The following NRXN3 variants were observed in gnomAD, a reference collection of about 807,000 sequenced individuals.
The protein encoded by NRXN3 is neurexin 3.
In NRXN3, 32 loss-of-function variants were observed where a neutral mutation model predicts 137.6. The observed-to-expected ratio is 0.23, with a 90% CI of 0.18 to 0.31. The LOEUF (loss-of-function observed/expected upper bound fraction) is 0.31. Among genes scored for constraint, NRXN3 ranks in the 10% least tolerant of loss-of-function variants. The pLI is 1.00. For missense variants in NRXN3, 1,574 were observed against 2,062.5 expected, an observed-to-expected ratio of 0.76 and a Z score of 4.59; for synonymous variants, 798 against 784.5, an observed-to-expected ratio of 1.02 and a Z score of -0.29.
intron 19 of NRXN3, among the ~76,000 whole-genome samples, chr14:79,784,784 T>G (rs558342399): frequency 3.3e-5 from 5 of 152,238 alleles, no homozygotes; most frequent in African/African-American, 9.6e-5. Flanking sequence ...TCTTCTTTTG[T>G]TATTCTCATG....
chr14:79,068,531 A>G (rs2099683594), intron 15 of NRXN3, among the ~76,000 whole-genome samples: 2 of 152,116 alleles, frequency 1.3e-5, no homozygotes, highest in South Asian at 4.1e-4. Flanking sequence ...TTTGGGGACA[A>G]TGGGAAGTAT....
At chr14:78,680,762 G>C (rs965931444) in intron 6 of NRXN3, among the ~76,000 whole-genome samples, 10 of 151,968 alleles carry the variant, frequency 6.6e-5, no homozygotes, top group African/African-American at 2.2e-4. Context: ...GACTTTCCTG[G>C]GCTTAAGAGT....
chr14:79,017,317 C>T (rs1297531555), intron 15 of NRXN3, among the ~76,000 whole-genome samples: 1 of 151,690 alleles, frequency 6.6e-6, no homozygotes, highest in Non-Finnish European at 1.5e-5. Context: ...TGTGGGGTTA[C>T]CACAAAATAC....
At chr14:79,431,534 C>T (rs1451152142) in intron 15 of NRXN3, among the ~76,000 whole-genome samples, 4 of 152,034 alleles carry the variant, frequency 2.6e-5, no homozygotes, top group African/African-American at 7.2e-5. Context: ...TAAGTAATAA[C>T]AGATGATGGA....
At chr14:78,514,276 A>C (rs567299831) in intron 4 of NRXN3, among the ~76,000 whole-genome samples, 21 of 152,250 alleles carry the variant, frequency 1.4e-4, no homozygotes, top group Admixed American at 1.2e-3. Context: ...AGGAAACTAG[A>C]GAAAGAAAAA....
rs966920743 is a variant in NRXN3, at chr14:79,100,550, A to G, written c.3262+112409A>G. On this transcript the variant is annotated intron_variant, in intron 15 of 20. Transcript: ENST00000335750. ...TAGATCCTAGAAATGAGTTGTTAAT[A>G]AATATCAGCTTTACATCAAGAGTTT... Among the ~76,000 whole-genome samples, 35 of 152,152 alleles carry G rather than the reference A, an allele frequency of 2.3e-4. 2 individuals are homozygous for G. The highest frequency in any genetic ancestry group is 2.3e-3 in the Admixed American group (35 of 15,274).
chr14:78,997,832 G>T (rs1252101806), intron 15 of NRXN3, among the ~76,000 whole-genome samples: 1 of 152,142 alleles, frequency 6.6e-6, no homozygotes, highest in Non-Finnish European at 1.5e-5. Context: ...ATTGCTGTTT[G>T]AATTTGTATC....
At chr14:78,675,155 C>T (rs1422579029) in intron 6 of NRXN3, among the ~76,000 whole-genome samples, 1 of 152,188 alleles carries the variant, frequency 6.6e-6, no homozygotes, top group Non-Finnish European at 1.5e-5. Flanking sequence ...TGTGAACAGA[C>T]ATAAGGCCTA....
intron 17 of NRXN3, among the ~76,000 whole-genome samples, chr14:79,686,719 T>C (rs1447337705): frequency 6.6e-6 from 1 of 152,188 alleles, no homozygotes; most frequent in Non-Finnish European, 1.5e-5. Flanking sequence ...TATCCAATAT[T>C]CTTTTCACTC....
chr14:78,939,445 C>T (rs2099348802), intron 10 of NRXN3, among the ~76,000 whole-genome samples: 2 of 152,196 alleles, frequency 1.3e-5, no homozygotes, highest in African/African-American at 4.8e-5. Flanking sequence ...CCTTGGTTCC[C>T]TCTCTGCCAT....
chr14:78,732,693 G>T (rs1265947502), intron 8 of NRXN3, among the ~76,000 whole-genome samples: 2 of 152,118 alleles, frequency 1.3e-5, no homozygotes, highest in African/African-American at 4.8e-5. Context: ...GAATGCTTAT[G>T]ACCATTATTT....
chr14:78,236,651 A>T (rs2066344007), intron 1 of NRXN3, among the ~76,000 whole-genome samples: 1 of 152,080 alleles, frequency 6.6e-6, no homozygotes. Context: ...TGCCAGCATA[A>T]TTTTCCAAAA....
chr14:78,239,711 C>CTT (rs113291311), intron 1 of NRXN3, among the ~76,000 whole-genome samples: 1 of 151,320 alleles, frequency 6.6e-6, no homozygotes, highest in South Asian at 2.1e-4. Flanking sequence ...TTCTTTCTTT[C>CTT]TTTTTTTTTG....
intron 4 of NRXN3, among the ~76,000 whole-genome samples, chr14:78,625,149 T>C (rs2097445212): frequency 6.6e-6 from 1 of 152,224 alleles, no homozygotes; most frequent in South Asian, 2.1e-4. Context: ...CCCTGTTCCT[T>C]ATCTTTAAAA....
chr14:78,920,721 A>G (rs1018786120), intron 10 of NRXN3, among the ~76,000 whole-genome samples: 17 of 152,166 alleles, frequency 1.1e-4, no homozygotes, highest in Non-Finnish European at 2.2e-4. Flanking sequence ...CTCAGTTTCC[A>G]TAATTCAGTA....
intron 4 of NRXN3, among the ~76,000 whole-genome samples, chr14:78,605,350 C>G (rs1468956688): frequency 6.6e-6 from 1 of 152,162 alleles, no homozygotes; most frequent in African/African-American, 2.4e-5. Flanking sequence ...TCTTAACACA[C>G]AGATTCTGCT....
chr14:78,978,956 C>T (rs371323691), intron 14 of NRXN3, among the ~76,000 whole-genome samples: 2 of 151,574 alleles, frequency 1.3e-5, no homozygotes, highest in Admixed American at 6.6e-5. Context: ...TGCTCTGATT[C>T]GAAAAGCCCA....
At chr14:79,783,241 G>A (rs932358907) in intron 19 of NRXN3, among the ~76,000 whole-genome samples, 4 of 152,178 alleles carry the variant, frequency 2.6e-5, no homozygotes, top group Admixed American at 2.6e-4. Flanking sequence ...ACGTTAATTG[G>A]CAGTTAGTGA....
chr14:78,262,695 A>G (rs1376348851), intron 2 of NRXN3, among the ~76,000 whole-genome samples: 1 of 152,148 alleles, frequency 6.6e-6, no homozygotes, highest in Non-Finnish European at 1.5e-5. Context: ...TTGTCTTGAT[A>G]GATCTCTGCT....
Sources: allele counts gnomAD v4.1 joint callset (sites outside exome capture counted in the v4.1 genomes callset), GRCh38; gene constraint gnomAD v4.1.1; transcripts MANE v1.5; gene names NCBI Gene and HGNC (gene_info 2026-07-23, HGNC 2026-07-21).